COL14A1: variants seen among roughly 807,000 people sequenced by gnomAD.
COL14A1 encodes collagen type XIV alpha 1 chain.
Under a neutral mutation model 230.3 loss-of-function variants are expected in COL14A1, and 136 were observed. The ratio of observed to expected loss-of-function variants is 0.59; its 90% CI spans 0.51 to 0.68. COL14A1 has a LOEUF of 0.68. Among genes scored for constraint, COL14A1 ranks in the 30% least tolerant of loss-of-function variants. The pLI is 0.00. For missense variants in COL14A1, 1,976 were observed against 2,215.8 expected, an observed-to-expected ratio of 0.89 and a Z score of 2.17; for synonymous variants, 792 against 784.1, an observed-to-expected ratio of 1.01 and a Z score of -0.17.
chr8:120,334,322 A>C (rs1821976731), intron 42 of COL14A1, among the ~76,000 whole-genome samples: 2 of 152,170 alleles, frequency 1.3e-5, no homozygotes, highest in African/African-American at 4.8e-5. Flanking sequence ...TGCACATTCA[A>C]ATAAATGCTA....
At chr8:120,364,303 A>C (rs956597487) in intron 45 of COL14A1, among the ~76,000 whole-genome samples, 1 of 152,166 alleles carries the variant, frequency 6.6e-6, no homozygotes, top group Non-Finnish European at 1.5e-5. Flanking sequence ...GTTTTAGGAC[A>C]CTTGATTTCC....
At chr8:120,273,908 C>A (rs1164197400) in intron 26 of COL14A1, among the ~76,000 whole-genome samples, 1 of 151,368 alleles carries the variant, frequency 6.6e-6, no homozygotes, top group East Asian at 1.9e-4. Context: ...TAGGTTGGTG[C>A]AAACCACAAC....
At chr8:120,342,274 G>C (rs529434464) in intron 43 of COL14A1, 106 bp from the exon 44 acceptor site, 1 of 1,143,664 alleles carries the variant, frequency 8.7e-7, no homozygotes, top group South Asian at 1.3e-5. Context: ...AGGGGCCAAA[G>C]ATCCCTGATG....
At chr8:120,141,558 C>G (rs1814908863) in intron 1 of COL14A1, among the ~76,000 whole-genome samples, 1 of 151,588 alleles carries the variant, frequency 6.6e-6, no homozygotes, top group Admixed American at 6.6e-5. Flanking sequence ...AAAAAGAAAA[C>G]AAAAGAAAAG....
intron 2 of COL14A1, among the ~76,000 whole-genome samples, chr8:120,153,096 TAA>T (rs1249878256): frequency 1.3e-5 from 2 of 152,280 alleles, no homozygotes; most frequent in African/African-American, 4.8e-5. Context: ...TATCCTACAG[TAA>T]AAGTCTCTCA....
rs1239860788 is a variant in COL14A1, at chr8:120,280,746, G to A, written c.3682G>A (p.Ala1228Thr). The change falls in exon 30 of 48, where the codon GCA (alanine) becomes ACA (threonine). Residue 1228 changes from alanine to threonine, a missense_variant. Ala to Thr is a moderately conservative substitution (Grantham distance 58). This residue lies in a region of COL14A1 where 1,791 missense variants were observed against 2,019.5 expected (regional missense o/e 0.89). Transcript: ENST00000297848. ...PVVHKDGIDL[A>T]GFKMMEMFGL... ...GGTACACAAGGATGGCATTGATCTTGCAGGTATGCATTATCACAATCTTTT... is the reference window on the plus strand; with the variant it reads ...GGTACACAAGGATGGCATTGATCTTACAGGTATGCATTATCACAATCTTTT... The A allele has an allele frequency of 3.8e-5, 61 of 1,613,252 alleles. No homozygotes were observed. Among genetic ancestry groups the A allele is most frequent in the Non-Finnish European group, 5.2e-5 (61 of 1,179,756 alleles).
At chr8:120,314,852 A>G (rs1371808651) in intron 38 of COL14A1, among the ~76,000 whole-genome samples, 1 of 152,230 alleles carries the variant, frequency 6.6e-6, no homozygotes, top group African/African-American at 2.4e-5. Flanking sequence ...ATTCCATTTA[A>G]GTATGTTTCT....
In COL14A1 at chr8:120,147,914, C is replaced by G; in HGVS notation, c.72C>G (p.Thr24=). ...TTTTGGCAATTGTTTATTTCTGCACCATTGTCCAAGGTCAAGGTAATTGAA... is the reference window on the plus strand; with the variant it reads ...TTTTGGCAATTGTTTATTTCTGCACGATTGTCCAAGGTCAAGGTAATTGAA... ...PPFLAIVYFC[T]IVQGQVAPPT... The change falls in exon 2 of 48, where the codon ACC becomes ACG. Residue 24 remains threonine, a synonymous_variant. Transcript: ENST00000297848. 1 of 1,613,320 alleles carries G rather than the reference C, an allele frequency of 6.2e-7. No homozygotes were observed.
chr8:120,304,393 T>A (rs905095933), intron 36 of COL14A1, among the ~76,000 whole-genome samples: 1 of 152,200 alleles, frequency 6.6e-6, no homozygotes, highest in African/African-American at 2.4e-5. Context: ...GCTATGAATT[T>A]CTCTCTTAAC....
intron 40 of COL14A1, among the ~76,000 whole-genome samples, chr8:120,327,966 G>A (rs1193255448): frequency 6.6e-6 from 1 of 151,874 alleles, no homozygotes; most frequent in Non-Finnish European, 1.5e-5. Context: ...GTTTCACCAT[G>A]TTGGCCAGGC....
At chr8:120,185,601 T>C (rs1189367844) in intron 5 of COL14A1, among the ~76,000 whole-genome samples, 3 of 152,030 alleles carry the variant, frequency 2.0e-5, no homozygotes, top group East Asian at 1.9e-4. Flanking sequence ...GAATGCGAGA[T>C]TGTAGTGAGC....
chr8:120,163,828 G>C (rs1271414977), intron 4 of COL14A1, among the ~76,000 whole-genome samples: 1 of 152,104 alleles, frequency 6.6e-6, no homozygotes, highest in Non-Finnish European at 1.5e-5. Flanking sequence ...TCTCTCAGGA[G>C]ACATTCATTC....
At chr8:120,224,979 TG>T in intron 14 of COL14A1, 108 bp from the exon 15 acceptor site, 1 of 954,774 alleles carries the variant, frequency 1.0e-6, no homozygotes. Context: ...TAATTTGTTT[TG>T]CAGTGTTTAT....
intron 33 of COL14A1, among the ~76,000 whole-genome samples, chr8:120,287,903 T>C (rs1407333250): frequency 1.3e-5 from 2 of 152,060 alleles, no homozygotes; most frequent in Non-Finnish European, 2.9e-5. Flanking sequence ...TTTTACACTT[T>C]GGCTATGAAG....
intron 1 of COL14A1, among the ~76,000 whole-genome samples, chr8:120,127,054 A>G (rs879039575): frequency 6.6e-6 from 1 of 152,154 alleles, no homozygotes; most frequent in African/African-American, 2.4e-5. Context: ...TAGCACCCCA[A>G]AAAGAAACCC....
At chr8:120,371,072 C>A in intron 47 of COL14A1, 80 bp from the exon 48 acceptor site, 2 of 1,266,244 alleles carry the variant, frequency 1.6e-6, no homozygotes, top group Non-Finnish European at 2.2e-6. Flanking sequence ...CTCTGTGTCT[C>A]TAAGGACCCA....
At chr8:120,186,338 T>C (rs7005078) in intron 5 of COL14A1, among the ~76,000 whole-genome samples, 4 of 152,208 alleles carry the variant, frequency 2.6e-5, no homozygotes, top group African/African-American at 9.7e-5. Flanking sequence ...GTTTGGAAAC[T>C]TGAATGTAAC....
At chr8:120,153,517 T>G (rs1563638824) in intron 2 of COL14A1, among the ~76,000 whole-genome samples, 1 of 152,200 alleles carries the variant, frequency 6.6e-6, no homozygotes, top group Non-Finnish European at 1.5e-5. Flanking sequence ...TGTTTTTAGA[T>G]TACTTGGAAA....
chr8:120,254,842 AT>A (rs1819089947), intron 22 of COL14A1, among the ~76,000 whole-genome samples: 2 of 149,046 alleles, frequency 1.3e-5, no homozygotes, highest in Admixed American at 6.8e-5. Flanking sequence ...AAAAAAAAAA[AT>A]TAGCTGCATG....
Sources: allele counts gnomAD v4.1 joint callset (sites outside exome capture counted in the v4.1 genomes callset), GRCh38; gene constraint gnomAD v4.1.1; regional missense constraint gnomAD v4.1.1; transcripts MANE v1.5; gene names NCBI Gene and HGNC (gene_info 2026-07-23, HGNC 2026-07-21).